ZBTB43: variants seen among roughly 807,000 people sequenced by gnomAD.
The protein encoded by ZBTB43 is zinc finger and BTB domain-containing protein 43.
A neutral mutation model predicts 31.1 loss-of-function variants in ZBTB43; 6 were observed. The observed-to-expected ratio is 0.19, with a 90% CI of 0.11 to 0.38. ZBTB43 has a LOEUF of 0.38. ZBTB43 is among the 10% of genes least tolerant of loss of function. ZBTB43 has a pLI of 1.00. For missense variants in ZBTB43, 379 were observed against 602.1 expected, an observed-to-expected ratio of 0.63 and a Z score of 3.88; for synonymous variants, 212 against 221.7, an observed-to-expected ratio of 0.96 and a Z score of 0.39.
intron 2 of ZBTB43, among the ~76,000 whole-genome samples, chr9:126,821,360 A>G (rs2032504749): frequency 6.6e-6 from 1 of 152,096 alleles, no homozygotes; most frequent in South Asian, 2.1e-4. Flanking sequence ...TGGGCAACAG[A>G]GCAAGACTCT....
chr9:126,824,119 T>C (rs1010603040), intron 2 of ZBTB43, among the ~76,000 whole-genome samples: 8 of 152,084 alleles, frequency 5.3e-5, no homozygotes, highest in African/African-American at 1.9e-4. Context: ...CTCAACCTCC[T>C]GGGTTCGAGC....
At chr9:126,821,943 A>G (rs1588360656) in intron 2 of ZBTB43, among the ~76,000 whole-genome samples, 1 of 151,946 alleles carries the variant, frequency 6.6e-6, no homozygotes, top group South Asian at 2.1e-4. Flanking sequence ...GCTCACTGCA[A>G]CCTCCGTCTC....
At chr9:126,824,517 T>C (rs1488498248) in intron 2 of ZBTB43, among the ~76,000 whole-genome samples, 1 of 152,252 alleles carries the variant, frequency 6.6e-6, no homozygotes, top group East Asian at 1.9e-4. Context: ...TTCTCCTTCA[T>C]TCTTGAAAGG....
At chr9:126,830,989 G>C (rs2032751303) in intron 2 of ZBTB43, among the ~76,000 whole-genome samples, 1 of 152,186 alleles carries the variant, frequency 6.6e-6, no homozygotes, top group African/African-American at 2.4e-5. Flanking sequence ...GAGATCACCA[G>C]ATAAGAAGCA....
At chr9:126,828,523 T>C (rs928270068) in intron 2 of ZBTB43, among the ~76,000 whole-genome samples, 2 of 149,510 alleles carry the variant, frequency 1.3e-5, no homozygotes, top group Non-Finnish European at 3.0e-5. Flanking sequence ...CCAGGTGCAA[T>C]GGCTTATACC....
chr9:126,805,503 A>G lies in ZBTB43; in HGVS notation c.-147+371A>G, dbSNP rs145371004. ...TGACGACCTCGGGTTCGAGCCACCA[A>G]TGCCTGAGGCCTGACGAGCCGAGCT... On this transcript the variant is annotated intron_variant, in intron 1 of 2. Transcript: ENST00000373464. Among the ~76,000 whole-genome samples, 42 of 152,282 alleles carry G rather than the reference A, an allele frequency of 2.8e-4. No homozygotes were observed. In the East Asian group the frequency reaches 6.0e-3, roughly 22 times the overall value.
At position 126,833,271 on chromosome 9, in the gene ZBTB43, T is replaced by C. The variant is rs778091566; in HGVS notation, c.762T>C (p.Ala254=). The change falls in exon 3 of 3, where the codon GCT becomes GCC. Residue 254 remains alanine (A), a synonymous_variant. Transcript: ENST00000373464. This position sits in a 1 kb window ranked among gnomAD's most constrained non-coding sequence, Gnocchi z 7.9. The part of the protein sequence containing the change: ...IHVKPERLEQ[A]CEGMDVHATY... ...TGAAGCCCGAGCGCTTAGAACAGGC[T>C]TGCGAGGGCATGGATGTGCACGCGA... 5.0e-6 allele frequency: 8 copies of C among 1,613,518 alleles called. No individual in the cohort carries two copies. The highest frequency in any genetic ancestry group is 5.9e-6 in the Non-Finnish European group (7 of 1,179,884).
rs113349616 is a variant in ZBTB43 at position 126,807,666 on chromosome 9, C to T, written c.-146-1127C>T. Among the ~76,000 whole-genome samples, 771 of 151,942 alleles carry T rather than the reference C, an allele frequency of 5.1e-3. 14 individuals are homozygous for T. Among genetic ancestry groups the T allele is most frequent in the African/African-American group, 0.017 (724 of 41,434 alleles). ...GTTTTGTTTTTTTGAGATGGAGTCT[C>T]GCCCTGTCGCCCAGGCTAGAGTGCA... is the stretch of plus-strand genomic sequence containing the variant. On this transcript the variant is annotated intron_variant, in intron 1 of 2. Coordinates refer to ENST00000373464, the MANE Select transcript of ZBTB43 (RefSeq NM_014007.4).
chr9:126,835,039 T>C lies in ZBTB43; in HGVS notation c.*1126T>C, dbSNP rs893711061. 2.4e-5 allele frequency: 4 copies of C among 167,048 alleles called. No homozygotes were observed. Among genetic ancestry groups the C allele is most frequent in the Non-Finnish European group, 5.9e-5 (4 of 68,116 alleles). The allele number at this position is 167,048 out of a possible 1,614,324, so 10.3% of individuals were successfully genotyped here. On this transcript the variant is annotated 3_prime_UTR_variant, in exon 3 of 3. Transcript: ENST00000373464. ...AAGAAGAATCTTGAGAATACACTCTTTCAAGGTGGGGGAGATACTCTTTAG... is the reference window on the plus strand; with the variant it reads ...AAGAAGAATCTTGAGAATACACTCTCTCAAGGTGGGGGAGATACTCTTTAG...
At chr9:126,807,895 C>T (rs2032162659) in intron 1 of ZBTB43, among the ~76,000 whole-genome samples, 1 of 152,170 alleles carries the variant, frequency 6.6e-6, no homozygotes, top group Non-Finnish European at 1.5e-5. Context: ...CTTGGCCTCC[C>T]AAAGTGCTGG....
In ZBTB43 at chr9:126,810,744, C is replaced by T. The variant is rs1362439575; in HGVS notation, c.-24+1829C>T. On this transcript the variant is annotated intron_variant, in intron 2 of 2. Transcript: ENST00000373464. ...GGTCTCCATCTTTTGACCTGGTGAT[C>T]CGCCCGCCTCGGCCTCCCAAAGTAC... is the stretch of plus-strand genomic sequence containing the variant. 4.7e-5 allele frequency among the ~76,000 whole-genome samples: 7 copies of T among 150,504 alleles called. No individual in the cohort carries two copies. In the South Asian group the frequency reaches 1.1e-3, roughly 23 times the overall value.
chr9:126,808,548 A>G (rs2032176497), intron 1 of ZBTB43, among the ~76,000 whole-genome samples: 1 of 152,238 alleles, frequency 6.6e-6, no homozygotes, highest in Non-Finnish European at 1.5e-5. Context: ...GATGAGAGGT[A>G]TATGGGAGTT....
chr9:126,824,481 T>A (rs2032588823), intron 2 of ZBTB43, among the ~76,000 whole-genome samples: 1 of 152,252 alleles, frequency 6.6e-6, no homozygotes, highest in Admixed American at 6.5e-5. Context: ...CATCCTTAGC[T>A]TTTGTTTCTC....
At chr9:126,824,622 T>C (rs1478000991) in intron 2 of ZBTB43, among the ~76,000 whole-genome samples, 2 of 152,212 alleles carry the variant, frequency 1.3e-5, no homozygotes, top group Non-Finnish European at 2.9e-5. Context: ...TTTCTGCTTA[T>C]GGTTTCTGAT....
intron 1 of ZBTB43, among the ~76,000 whole-genome samples, chr9:126,807,032 G>A (rs141384673): frequency 1.5e-3 from 228 of 152,198 alleles, no homozygotes; most frequent in African/African-American, 4.8e-3. Context: ...CTTGAGTTTC[G>A]TTATGGGGGA....
intron 2 of ZBTB43, among the ~76,000 whole-genome samples, chr9:126,828,720 GAGCAAAGAGTAAA>G (rs1014851594): frequency 1.3e-5 from 2 of 148,982 alleles, no homozygotes; most frequent in Admixed American, 6.7e-5. Flanking sequence ...ACAAACCCTG[GAGCAAAGAGTAAA>G]AGCAAAGAGT....
rs753035693 is a variant in ZBTB43, at chr9:126,832,471, T to A, written c.-23-16T>A. ...CTTTGGGCTGGAATTTGTACTAATT[T>A]TTCTTTCTCTTGTAGCACCGAACAA... is the stretch of plus-strand genomic sequence containing the variant. On this transcript the variant is annotated splice_polypyrimidine_tract_variant and intron_variant, in intron 2 of 2. Transcript: ENST00000373464. 6.4e-7 allele frequency: 1 copy of A among 1,560,472 alleles called. No homozygotes were observed. The highest frequency in any genetic ancestry group is 8.7e-7 in the Non-Finnish European group (1 of 1,153,288).
chr9:126,819,235 TG>T (rs2032458059), intron 2 of ZBTB43, among the ~76,000 whole-genome samples: 1 of 151,704 alleles, frequency 6.6e-6, no homozygotes, highest in Non-Finnish European at 1.5e-5. Context: ...GTGGCTGACA[TG>T]TCCTATACAG....
chr9:126,815,796 T>C (rs1186512478), intron 2 of ZBTB43, among the ~76,000 whole-genome samples: 28 of 152,136 alleles, frequency 1.8e-4, no homozygotes, highest in Admixed American at 1.8e-3. Context: ...TTCTGTTGAT[T>C]GATTCCCACC....
Sources: gnomAD v4.1 joint callset for allele counts (sites outside exome capture counted in the v4.1 genomes callset) on GRCh38, gnomAD v4.1.1 for gene constraint, Gnocchi (gnomAD v3.1) non-coding constraint, MANE v1.5 for transcripts, NCBI Gene and HGNC (gene_info 2026-07-23, HGNC 2026-07-21) for gene names.